SRGAP3: variants seen among roughly 807,000 people sequenced by gnomAD.
SRGAP3 encodes the protein SLIT-ROBO Rho GTPase activating protein 3, also known as SLIT-ROBO Rho GTPase-activating protein 3.
A neutral mutation model predicts 121.1 loss-of-function variants in SRGAP3; 39 were observed. The ratio of observed to expected loss-of-function variants is 0.32; its 90% confidence interval spans 0.25 to 0.42. The LOEUF (loss-of-function observed/expected upper bound fraction) is 0.42. Ranked by LOEUF, SRGAP3 falls within the 10% of genes least tolerant of loss-of-function variation. The pLI, the probability that SRGAP3 is intolerant of heterozygous loss-of-function variation, is 1.00. For missense variants in SRGAP3, 1,213 were observed against 1,470.6 expected, an observed-to-expected ratio of 0.82 and a Z score of 2.86; for synonymous variants, 601 against 570.0, an observed-to-expected ratio of 1.05 and a Z score of -0.77.
chr3:9,021,182 G>C (rs1244806102), intron 14 of SRGAP3, among the ~76,000 whole-genome samples: 1 of 152,240 alleles, frequency 6.6e-6, no homozygotes, highest in African/African-American at 2.4e-5. Context: ...AGAGTCAAGA[G>C]TGTGCTAGAG....
intron 1 of SRGAP3, among the ~76,000 whole-genome samples, chr3:9,179,756 G>A (rs867983421): frequency 1.3e-5 from 2 of 152,354 alleles, no homozygotes; most frequent in Middle Eastern, 6.8e-3. Context: ...GAGTGTTACA[G>A]TTTGCAACAC....
chr3:9,049,603 G>A, intron 9 of SRGAP3: 1 of 422,196 alleles, frequency 2.4e-6, no homozygotes, highest in Non-Finnish European at 4.7e-6. Context: ...TCCAAGTGTG[G>A]GGCAGAGGGC....
chr3:9,339,333 T>C (rs1320913599), intron 1 of SRGAP3, among the ~76,000 whole-genome samples: 1 of 152,238 alleles, frequency 6.6e-6, no homozygotes, highest in Non-Finnish European at 1.5e-5. Flanking sequence ...GAAGCAGGCA[T>C]GGTCCCTAAA....
At chr3:9,228,297 C>T (rs771228371) in intron 1 of SRGAP3, among the ~76,000 whole-genome samples, 13 of 152,076 alleles carry the variant, frequency 8.5e-5, no homozygotes, top group Non-Finnish European at 1.9e-4. Flanking sequence ...CACCCAGTGC[C>T]GCCAGATCAT....
chr3:9,182,175 C>CAAAAAA lies in SRGAP3; in HGVS notation c.68-57264_68-57259dup, dbSNP rs34305216. Among the ~76,000 whole-genome samples, 250 of 37,276 alleles carry CAAAAAA rather than the reference C, an allele frequency of 6.7e-3. 17 individuals are homozygous for CAAAAAA. The highest frequency in any genetic ancestry group is 8.2e-3 in the Non-Finnish European group (191 of 23,414). The allele number at this position is 37,276 out of a possible 152,430, so 24.5% of individuals were successfully genotyped here. ...TGGATGACAGAGCAAGACTCTGTCT[C>CAAAAAA]AAAAAAAAAAAAAAAAAAAAAAAAA... On this transcript the variant is annotated intron_variant, in intron 1 of 21. Coordinates refer to ENST00000383836, the MANE Select transcript of SRGAP3 (RefSeq NM_014850.4).
At chr3:9,211,665 C>CTTTTT (rs1193329370) in intron 1 of SRGAP3, among the ~76,000 whole-genome samples, 97 of 121,060 alleles carry the variant, frequency 8.0e-4, no homozygotes, top group Non-Finnish European at 9.1e-4. Context: ...TCTTTCTTTT[C>CTTTTT]TTTTTTTTTT....
chr3:9,350,109 T>G (rs897530473), intron 1 of SRGAP3: 1 of 152,234 alleles, frequency 6.6e-6, no homozygotes, highest in Non-Finnish European at 1.5e-5. Flanking sequence ...TCATTTATTA[T>G]AGTCCTGAGT....
Position 9,273,712 on chromosome 3 carries a change from G to A in SRGAP3, n.442+52298C>T, listed in dbSNP as rs76703519. ...CCTACTTTTCTCTAAGAGCTTTATCGTTTTAGGTCTTACATTGAAGTCTTT... is the reference window on the plus strand; with the variant it reads ...CCTACTTTTCTCTAAGAGCTTTATCATTTTAGGTCTTACATTGAAGTCTTT... On this transcript the variant is annotated intron_variant and non_coding_transcript_variant, in intron 3 of 3. Transcript: ENST00000490889. Among the ~76,000 whole-genome samples, 76 of 151,846 alleles carry A rather than the reference G, an allele frequency of 5.0e-4. 1 individual carries two copies. In the East Asian group the frequency reaches 0.012, roughly 24 times the overall value.
intron 3 of SRGAP3, among the ~76,000 whole-genome samples, chr3:9,082,035 T>C (rs1306652283): frequency 6.6e-6 from 1 of 152,212 alleles, no homozygotes; most frequent in Non-Finnish European, 1.5e-5. Context: ...ATTCTCAGCA[T>C]TGGAGGCAGA....
rs112584755 is a variant in SRGAP3, at chr3:9,159,076, CT to C, written c.68-34160del. Among the ~76,000 whole-genome samples, 19 of 152,304 alleles carry C rather than the reference CT, an allele frequency of 1.2e-4. 1 individual carries two copies. Among genetic ancestry groups the C allele is most frequent in the African/African-American group, 4.6e-4 (19 of 41,552 alleles). On this transcript the variant is annotated intron_variant, in intron 1 of 21. Coordinates refer to ENST00000383836, the MANE Select transcript of SRGAP3 (RefSeq NM_014850.4). ...AAGGGCACCAAAGGTCAAAGGGCCT[CT>C]GTTCCAGGTTCCAACTCGTGTTCTG...
chr3:9,097,662 G>A (rs1243303912), intron 3 of SRGAP3, among the ~76,000 whole-genome samples: 1 of 152,194 alleles, frequency 6.6e-6, no homozygotes, highest in Non-Finnish European at 1.5e-5. Flanking sequence ...TCGGGCCTGG[G>A]GAACGTATTC....
chr3:9,142,037 G>A (rs1302137873), intron 1 of SRGAP3, among the ~76,000 whole-genome samples: 1 of 152,166 alleles, frequency 6.6e-6, no homozygotes, highest in African/African-American at 2.4e-5. Context: ...GATCCAGTAA[G>A]GCTATTTCAT....
chr3:9,181,943 G>A (rs1951417728), intron 1 of SRGAP3, among the ~76,000 whole-genome samples: 1 of 152,142 alleles, frequency 6.6e-6, no homozygotes, highest in Non-Finnish European at 1.5e-5. Flanking sequence ...GGGAGGCCAA[G>A]GTGGGTGGAT....
chr3:9,058,179 G>T (rs977731375), intron 7 of SRGAP3, 72 bp downstream of exon 7: 1 of 1,506,152 alleles, frequency 6.6e-7, no homozygotes, highest in Non-Finnish European at 9.2e-7. Flanking sequence ...GTGCAACCAG[G>T]GATGATGTAC....
At chr3:8,988,467 G>A (rs1941852988) in intron 21 of SRGAP3, among the ~76,000 whole-genome samples, 1 of 152,154 alleles carries the variant, frequency 6.6e-6, no homozygotes. Context: ...TTTGACCTCT[G>A]TTAGTGAAAG....
In SRGAP3 at chr3:9,109,937, G is replaced by T. The variant is rs995668858; in HGVS notation, c.261-5095C>A. 1.3e-5 allele frequency among the ~76,000 whole-genome samples: 2 copies of T among 152,138 alleles called. No homozygotes were observed. The highest frequency in any genetic ancestry group is 2.9e-5 in the Non-Finnish European group (2 of 68,036). ...AGAGTGAGGACAGCAGGTGAACATGGAGACTGAGGCAGGGGCCACTTGGGA... is the reference window on the plus strand; with the variant it reads ...AGAGTGAGGACAGCAGGTGAACATGTAGACTGAGGCAGGGGCCACTTGGGA... On this transcript the variant is annotated intron_variant, in intron 2 of 21. Transcript: ENST00000383836. The surrounding 1 kb of genome is among the most constrained non-coding windows in gnomAD (Gnocchi z 4.4).
chr3:8,988,830 C>T (rs979226232), intron 21 of SRGAP3, among the ~76,000 whole-genome samples: 10 of 152,172 alleles, frequency 6.6e-5, no homozygotes, highest in African/African-American at 1.9e-4. Context: ...CCCTCACATG[C>T]GCAGTTCACA....
chr3:8,999,826 C>T (rs1352057383), intron 18 of SRGAP3, among the ~76,000 whole-genome samples: 2 of 152,020 alleles, frequency 1.3e-5, no homozygotes, highest in Admixed American at 1.3e-4. Context: ...AGACCGACTT[C>T]TGGGATGACA....
At chr3:9,212,165 C>T (rs1326380814) in intron 1 of SRGAP3, among the ~76,000 whole-genome samples, 1 of 152,190 alleles carries the variant, frequency 6.6e-6, no homozygotes, top group Non-Finnish European at 1.5e-5. Context: ...ATGGAAACCT[C>T]AGTGTCACTT....
Sources: gnomAD v4.1 joint callset for allele counts (sites outside exome capture counted in the v4.1 genomes callset) on GRCh38, gnomAD v4.1.1 for gene constraint, Gnocchi (gnomAD v3.1) non-coding constraint, MANE v1.5 for transcripts, NCBI Gene and HGNC (gene_info 2026-07-23, HGNC 2026-07-21) for gene names.